GPHN: variants seen among roughly 807,000 people sequenced by gnomAD.
GPHN encodes gephyrin.
In GPHN, 17 loss-of-function variants were observed where a neutral mutation model predicts 95.5. The observed-to-expected ratio is 0.18, with a 90% CI of 0.12 to 0.27. The LOEUF is 0.27. Among genes scored for constraint, GPHN ranks in the 10% least tolerant of loss-of-function variants. The probability of loss-of-function intolerance (pLI) is 1.00; values close to 1 mark genes in which losing one functional copy is unlikely to be tolerated. For missense variants in GPHN, 660 were observed against 978.1 expected, an observed-to-expected ratio of 0.67 and a Z score of 4.34; for synonymous variants, 320 against 322.5, an observed-to-expected ratio of 0.99 and a Z score of 0.08.
chr14:67,570,102 G>A, the GPHN span: 2 of 934,546 alleles, frequency 2.1e-6, no homozygotes, highest in South Asian at 2.8e-5. Context: ...TCTAGGGCCA[G>A]GCTTCTGCAC....
chr14:67,731,480 G>C, the GPHN span, among the ~76,000 whole-genome samples: 25 of 151,940 alleles, frequency 1.6e-4, no homozygotes, highest in Non-Finnish European at 2.8e-4. Flanking sequence ...CTCCCAAAGT[G>C]CTGGGATTGC....
At chr14:66,816,650 G>A (rs1023296335) in intron 3 of GPHN, among the ~76,000 whole-genome samples, 8 of 152,060 alleles carry the variant, frequency 5.3e-5, no homozygotes, top group African/African-American at 1.9e-4. Flanking sequence ...ACACAGATAA[G>A]GCAGTGTTAA....
chr14:67,015,617 A>C (rs1202060491), intron 9 of GPHN, among the ~76,000 whole-genome samples: 1 of 152,156 alleles, frequency 6.6e-6, no homozygotes, highest in African/African-American at 2.4e-5. Context: ...GAGTTGCTTG[A>C]ACCTGAGAGG....
At chr14:67,289,794 A>T in the GPHN span, among the ~76,000 whole-genome samples, 1 of 98,214 alleles carries the variant, frequency 1.0e-5, no homozygotes, top group African/African-American at 6.7e-5. Flanking sequence ...TTTTTTTGAG[A>T]CGGAGTCTCT....
chr14:66,799,070 C>T (rs1595937081), intron 3 of GPHN, among the ~76,000 whole-genome samples: 1 of 151,822 alleles, frequency 6.6e-6, no homozygotes, highest in Non-Finnish European at 1.5e-5. Flanking sequence ...TCTTAATTGA[C>T]CCAGTGGTCA....
chr14:67,584,215 A>G, the GPHN span: 1 of 1,333,348 alleles, frequency 7.5e-7, no homozygotes, highest in South Asian at 1.3e-5. Flanking sequence ...CCCTACCTCC[A>G]TACCAGTAAC....
chr14:67,561,807 C>G, the GPHN span: 1 of 640,510 alleles, frequency 1.6e-6, no homozygotes, highest in African/African-American at 1.9e-5. Context: ...GAGGTCAAGG[C>G]TGCAGTGAGC....
chr14:66,703,269 C>A (rs1444745996), intron 2 of GPHN, among the ~76,000 whole-genome samples: 1 of 152,176 alleles, frequency 6.6e-6, no homozygotes, highest in East Asian at 1.9e-4. Flanking sequence ...CAAGACAGGC[C>A]AACATGCAAA....
At chr14:67,473,409 C>A in the GPHN span, 1 of 1,611,244 alleles carries the variant, frequency 6.2e-7, no homozygotes, top group Non-Finnish European at 8.5e-7. The surrounding 1 kb of genome is among the most constrained non-coding windows in gnomAD (Gnocchi z 6.5). Context: ...GGCCCCCCAC[C>A]CGCTTCCTGC....
chr14:67,051,200 G>A (rs896699108), intron 10 of GPHN, among the ~76,000 whole-genome samples: 1 of 150,854 alleles, frequency 6.6e-6, no homozygotes. Flanking sequence ...AGACAACTGA[G>A]CTCCTGCGGG....
the GPHN span, among the ~76,000 whole-genome samples, chr14:67,680,727 G>C: frequency 2.0e-5 from 3 of 152,238 alleles, no homozygotes; most frequent in Non-Finnish European, 4.4e-5. Context: ...CCAAAGTGCA[G>C]GGATTACAGG....
chr14:66,575,645 C>G (rs1426929916), intron 1 of GPHN, among the ~76,000 whole-genome samples: 1 of 152,076 alleles, frequency 6.6e-6, no homozygotes, highest in African/African-American at 2.4e-5. Flanking sequence ...TGCCGGGTGC[C>G]CAGACACAAC....
chr14:66,714,651 T>C (rs940883269), intron 2 of GPHN, among the ~76,000 whole-genome samples: 1 of 152,206 alleles, frequency 6.6e-6, no homozygotes, highest in Non-Finnish European at 1.5e-5. Context: ...GGTGTGTCCC[T>C]TGTATGCCCA....
At chr14:67,678,838 TAA>T in the GPHN span, among the ~76,000 whole-genome samples, 1 of 145,322 alleles carries the variant, frequency 6.9e-6, no homozygotes, top group Non-Finnish European at 1.5e-5. Flanking sequence ...CCTGGAGTAG[TAA>T]AAAAAAAAAA....
At chr14:67,169,088 G>A (rs2082443090) in intron 21 of GPHN, 52 bp downstream of exon 21, 1 of 1,061,730 alleles carries the variant, frequency 9.4e-7, no homozygotes, top group African/African-American at 1.5e-5. Flanking sequence ...TAACAGTTAG[G>A]GATATGATTT....
At chr14:67,285,172 G>GA in the GPHN span, among the ~76,000 whole-genome samples, 12 of 152,110 alleles carry the variant, frequency 7.9e-5, no homozygotes, top group Non-Finnish European at 1.6e-4. Context: ...AAAAGTTTCA[G>GA]AAAAAAGTCA....
chr14:66,760,280 A>G (rs1292385865), intron 2 of GPHN, among the ~76,000 whole-genome samples: 1 of 152,220 alleles, frequency 6.6e-6, no homozygotes, highest in African/African-American at 2.4e-5. Context: ...ATTTTAATAA[A>G]TAGATAAAAT....
chr14:67,548,580 C>T, the GPHN span, among the ~76,000 whole-genome samples: 1 of 152,080 alleles, frequency 6.6e-6, no homozygotes, highest in South Asian at 2.1e-4. Context: ...GCCTGTAATC[C>T]CAGCTACTCT....
At chr14:67,711,582 G>A in the GPHN span, among the ~76,000 whole-genome samples, 1 of 152,090 alleles carries the variant, frequency 6.6e-6, no homozygotes, top group South Asian at 2.1e-4. Flanking sequence ...GAAACATTGT[G>A]TACACAACAC....
Sources: gnomAD v4.1 joint callset for allele counts (sites outside exome capture counted in the v4.1 genomes callset) on GRCh38, gnomAD v4.1.1 for gene constraint, Gnocchi (gnomAD v3.1) non-coding constraint, MANE v1.5 for transcripts, NCBI Gene and HGNC (gene_info 2026-07-23, HGNC 2026-07-21) for gene names.